ANGPT1: variants seen among roughly 807,000 people sequenced by gnomAD.
The protein encoded by ANGPT1 is angiopoietin-1.
ANGPT1 carries 17 observed loss-of-function variants against 62.2 expected under a neutral mutation model. The observed-to-expected ratio is 0.27, with a 90% CI of 0.19 to 0.41. The LOEUF is 0.41. ANGPT1 is among the 10% of genes least tolerant of loss of function. The probability of loss-of-function intolerance (pLI) is 1.00; values close to 1 mark genes in which losing one functional copy is unlikely to be tolerated. For synonymous variants in ANGPT1, 199 were observed against 198.9 expected (o/e 1.00, Z 0.00); for missense variants, 478 against 594.9 (o/e 0.80, Z 2.04).
At chr8:107,398,114 T>G (rs1043706350) in intron 1 of ANGPT1, among the ~76,000 whole-genome samples, 5 of 152,192 alleles carry the variant, frequency 3.3e-5, no homozygotes, top group Non-Finnish European at 7.3e-5. Context: ...TATCTCTGGA[T>G]GATTTGTATG....
chr8:107,462,802 C>A (rs527713848), intron 1 of ANGPT1, among the ~76,000 whole-genome samples: 8 of 152,054 alleles, frequency 5.3e-5, no homozygotes, highest in Non-Finnish European at 1.2e-4. Flanking sequence ...ACCAATCAAC[C>A]CTTCCCAATC....
intron 3 of ANGPT1, among the ~76,000 whole-genome samples, chr8:107,334,112 G>A (rs115503549): frequency 6.6e-6 from 1 of 152,052 alleles, no homozygotes; most frequent in African/African-American, 2.4e-5. Context: ...GCATAAGGAT[G>A]GCATTTGTTT....
intron 4 of ANGPT1, among the ~76,000 whole-genome samples, chr8:107,318,228 A>C (rs1002495250): frequency 6.6e-6 from 1 of 152,232 alleles, no homozygotes; most frequent in Non-Finnish European, 1.5e-5. Context: ...GATGCAATTC[A>C]GTTTGAATTG....
At chr8:107,430,150 G>T (rs1811144198) in intron 1 of ANGPT1, among the ~76,000 whole-genome samples, 1 of 152,154 alleles carries the variant, frequency 6.6e-6, no homozygotes, top group African/African-American at 2.4e-5. Flanking sequence ...CAGAAAAAAA[G>T]TCCTTGAAAG....
intron 1 of ANGPT1, among the ~76,000 whole-genome samples, chr8:107,433,352 T>G (rs928194981): frequency 2.0e-5 from 3 of 152,202 alleles, no homozygotes; most frequent in Non-Finnish European, 2.9e-5. Flanking sequence ...GATAGGTAAG[T>G]GTTTTTCCCC....
At chr8:107,417,984 T>C (rs929196235) in intron 1 of ANGPT1, among the ~76,000 whole-genome samples, 1 of 152,184 alleles carries the variant, frequency 6.6e-6, no homozygotes, top group Non-Finnish European at 1.5e-5. Flanking sequence ...TCTCTGCAAA[T>C]TGGCATTTAG....
At chr8:107,479,844 A>C (rs1212498935) in intron 1 of ANGPT1, among the ~76,000 whole-genome samples, 1 of 152,232 alleles carries the variant, frequency 6.6e-6, no homozygotes, top group African/African-American at 2.4e-5. Flanking sequence ...GCTTTTAAAA[A>C]TACTATTCTG....
At chr8:107,316,425 G>A (rs1162724809) in intron 4 of ANGPT1, among the ~76,000 whole-genome samples, 1 of 152,072 alleles carries the variant, frequency 6.6e-6, no homozygotes, top group Non-Finnish European at 1.5e-5. Context: ...TATAGAGTTG[G>A]TAATAGAACC....
intron 1 of ANGPT1, among the ~76,000 whole-genome samples, chr8:107,452,825 A>G (rs1811815022): frequency 6.6e-6 from 1 of 152,076 alleles, no homozygotes; most frequent in Non-Finnish European, 1.5e-5. Context: ...TATATTTGAC[A>G]CATAGTACAG....
intron 4 of ANGPT1, 152 bp from the exon 5 acceptor site, chr8:107,303,519 A>T (rs1389040589): frequency 1.8e-6 from 1 of 562,542 alleles, no homozygotes; most frequent in Non-Finnish European, 2.9e-6. Flanking sequence ...ACAATACTAG[A>T]TTTTGAGGTA....
At position 107,334,129 on chromosome 8, in the gene ANGPT1, T is replaced by C. The variant is rs561311320; in HGVS notation, c.575+2021A>G. Among the ~76,000 whole-genome samples the C allele has an allele frequency of 5.9e-5, 9 of 152,098 alleles. No homozygotes were observed. In the South Asian group the frequency reaches 1.7e-3, roughly 28 times the overall value. ...ATAAGGATGGCATTTGTTTTGCAGT[T>C]AGGGAGGAGACTTTTCAGGCCTCCC... On this transcript the variant is annotated intron_variant, in intron 3 of 8. Coordinates refer to ENST00000517746, the MANE Select transcript of ANGPT1 (RefSeq NM_001146.5).
chr8:107,305,521 A>G (rs561127629), intron 4 of ANGPT1, among the ~76,000 whole-genome samples: 1 of 151,970 alleles, frequency 6.6e-6, no homozygotes, highest in Non-Finnish European at 1.5e-5. Context: ...TTAGTAACCG[A>G]GAAAAAAGGA....
At chr8:107,364,978 A>AG (rs1368013165) in intron 1 of ANGPT1, among the ~76,000 whole-genome samples, 1 of 151,836 alleles carries the variant, frequency 6.6e-6, no homozygotes, top group Non-Finnish European at 1.5e-5. Context: ...GGGGAAAAAA[A>AG]AAGACATTCT....
chr8:107,273,554 C>T (rs948488402), intron 7 of ANGPT1, among the ~76,000 whole-genome samples: 2 of 151,986 alleles, frequency 1.3e-5, no homozygotes, highest in Non-Finnish European at 2.9e-5. Context: ...TAAATACTTG[C>T]TGTCCTCTAA....
intron 1 of ANGPT1, among the ~76,000 whole-genome samples, chr8:107,354,917 T>C (rs1396100609): frequency 8.7e-6 from 1 of 115,052 alleles, no homozygotes; most frequent in Non-Finnish European, 1.7e-5. Flanking sequence ...ATGGTGTTGC[T>C]TTTTTTTTTT....
chr8:107,322,059 C>A lies in ANGPT1; in HGVS notation c.645G>T (p.Glu215Asp), dbSNP rs773362738. ...HKEELDTLKE[E>D]KENLQGLVTR... ...TAACCAAGCCTTGAAGGTTCTCTTT[C>A]TCTTCCTTTAAGGTGTCCAACTCTT... Residue 215 changes from glutamate (E) to aspartate (D), a missense_variant, in exon 4 of 9, where the codon GAG becomes GAT. Glu to Asp is a conservative substitution (Grantham distance 45). Coordinates refer to ENST00000517746, the MANE Select transcript of ANGPT1 (RefSeq NM_001146.5). 2.3e-5 allele frequency: 37 copies of A among 1,613,856 alleles called. No homozygotes were observed. Among genetic ancestry groups the A allele is most frequent in the Non-Finnish European group, 3.1e-5 (36 of 1,179,918 alleles).
chr8:107,280,070 T>C (rs899929338), intron 7 of ANGPT1, among the ~76,000 whole-genome samples: 1 of 152,088 alleles, frequency 6.6e-6, no homozygotes, highest in Non-Finnish European at 1.5e-5. Context: ...AAGTGGAATT[T>C]TGGATTCTGA....
chr8:107,381,983 TC>T (rs1446489786), intron 1 of ANGPT1, among the ~76,000 whole-genome samples: 6 of 151,900 alleles, frequency 3.9e-5, no homozygotes, highest in Non-Finnish European at 8.8e-5. Flanking sequence ...CATGCAGGAG[TC>T]TTGGCAAGAT....
chr8:107,282,528 T>TTA (rs568653038), intron 7 of ANGPT1, among the ~76,000 whole-genome samples: 1 of 129,828 alleles, frequency 7.7e-6, no homozygotes, highest in Non-Finnish European at 1.6e-5. Flanking sequence ...ATATATTATA[T>TTA]TATATATATA....
Sources: gnomAD v4.1 joint callset for allele counts (sites outside exome capture counted in the v4.1 genomes callset) on GRCh38, gnomAD v4.1.1 for gene constraint, MANE v1.5 for transcripts, NCBI Gene and HGNC (gene_info 2026-07-23, HGNC 2026-07-21) for gene names.